MEGF11: variants seen among roughly 807,000 people sequenced by gnomAD.
MEGF11 encodes the protein multiple EGF like domains 11, also known as multiple epidermal growth factor-like domains protein 11.
In MEGF11, 126 loss-of-function variants were observed where a neutral mutation model predicts 146.6. The observed-to-expected ratio is 0.86, with a 90% CI of 0.74 to 1.00. The LOEUF (loss-of-function observed/expected upper bound fraction) is 1.00, where lower values mean the gene tolerates loss of function less well. MEGF11 is among the 50% of genes least tolerant of loss of function. The probability of loss-of-function intolerance (pLI) is 0.00; values close to 1 mark genes in which losing one functional copy is unlikely to be tolerated. For synonymous variants in MEGF11, 532 were observed against 583.4 expected, an observed-to-expected ratio of 0.91 and a Z score of 1.27; for missense variants, 1,509 against 1,521.2, an observed-to-expected ratio of 0.99 and a Z score of 0.13.
intron 5 of MEGF11, among the ~76,000 whole-genome samples, chr15:66,079,831 G>A (rs1194492093): frequency 1.3e-5 from 2 of 152,164 alleles, no homozygotes; most frequent in African/African-American, 4.8e-5. Context: ...CTGCCTTTGA[G>A]CTGGTGTTCT....
At chr15:66,111,191 T>C (rs1317651411) in intron 4 of MEGF11, among the ~76,000 whole-genome samples, 1 of 152,226 alleles carries the variant, frequency 6.6e-6, no homozygotes. Flanking sequence ...GCAGATGATA[T>C]ACTGCAGGTG....
intron 1 of MEGF11, among the ~76,000 whole-genome samples, chr15:66,190,989 T>TTC (rs10686433): frequency 4.7e-5 from 1 of 21,402 alleles, no homozygotes; most frequent in Non-Finnish European, 7.2e-5. Context: ...CAGGGGAGAC[T>TTC]ATTACAACAC....
intron 1 of MEGF11, among the ~76,000 whole-genome samples, chr15:66,194,911 G>A (rs759786624): frequency 6.6e-6 from 1 of 152,144 alleles, no homozygotes; most frequent in African/African-American, 2.4e-5. Context: ...CCCCGTTTGT[G>A]CATTTGGGCT....
chr15:65,996,592 T>C (rs920769473), intron 5 of MEGF11, among the ~76,000 whole-genome samples: 4 of 152,048 alleles, frequency 2.6e-5, no homozygotes, highest in African/African-American at 9.7e-5. Flanking sequence ...TTCAAGTGAT[T>C]CTCCTGCTTC....
intron 9 of MEGF11, among the ~76,000 whole-genome samples, chr15:65,958,766 C>T (rs1596907309): frequency 6.6e-6 from 1 of 152,362 alleles, no homozygotes; most frequent in Non-Finnish European, 1.5e-5. Flanking sequence ...TTCCTCCCCA[C>T]TTTCCCTCAC....
intron 1 of MEGF11, among the ~76,000 whole-genome samples, chr15:66,207,446 A>T (rs1105919): frequency 0.045 from 6,928 of 152,308 alleles, 225 homozygotes; most frequent in African/African-American, 0.085. Flanking sequence ...AGAATTCTAT[A>T]ACCAGCAAAA....
At chr15:66,230,930 A>G (rs2091954904) in intron 1 of MEGF11, among the ~76,000 whole-genome samples, 1 of 152,218 alleles carries the variant, frequency 6.6e-6, no homozygotes, top group Non-Finnish European at 1.5e-5. Context: ...ACAGAACCAG[A>G]GAGGCAGCGT....
At chr15:65,991,339 C>A (rs1187077578) in intron 5 of MEGF11, among the ~76,000 whole-genome samples, 1 of 152,138 alleles carries the variant, frequency 6.6e-6, no homozygotes, top group African/African-American at 2.4e-5. Flanking sequence ...TCATACCCTG[C>A]CTCATTCCAA....
At chr15:66,109,759 T>C (rs55992032) in intron 4 of MEGF11, among the ~76,000 whole-genome samples, 9,373 of 152,244 alleles carry the variant, frequency 0.062, 370 homozygotes, top group South Asian at 0.15. Flanking sequence ...TGAAGGGGTC[T>C]TTCTTGACCC....
chr15:66,055,293 T>C (rs2084630351), intron 5 of MEGF11, among the ~76,000 whole-genome samples: 1 of 152,250 alleles, frequency 6.6e-6, no homozygotes, highest in Non-Finnish European at 1.5e-5. Context: ...CTATCGAGAT[T>C]CGTAGGCCCA....
chr15:66,144,845 C>A (rs1057454650), intron 1 of MEGF11, among the ~76,000 whole-genome samples: 1 of 152,226 alleles, frequency 6.6e-6, no homozygotes, highest in Non-Finnish European at 1.5e-5. Flanking sequence ...TTCTCTCTCC[C>A]TATCTATCTC....
intron 5 of MEGF11, among the ~76,000 whole-genome samples, chr15:66,084,865 A>G (rs7183527): frequency 0.73 from 111,289 of 152,122 alleles, 41,665 homozygotes; most frequent in Admixed American, 0.81. Context: ...ACTAAAGCCC[A>G]TTTCTTTTGC....
At chr15:66,088,399 G>T (rs990184364) in intron 5 of MEGF11, among the ~76,000 whole-genome samples, 3 of 152,256 alleles carry the variant, frequency 2.0e-5, no homozygotes, top group African/African-American at 7.2e-5. Context: ...GCTCACGCCT[G>T]TAATCCCAGC....
chr15:66,060,061 G>T (rs1218654049), intron 5 of MEGF11, among the ~76,000 whole-genome samples: 2 of 152,024 alleles, frequency 1.3e-5, no homozygotes, highest in Non-Finnish European at 2.9e-5. Context: ...CAAGGGACAA[G>T]AGAGACAGAG....
intron 17 of MEGF11, chr15:65,916,508 G>T (rs2079002501): frequency 1.4e-5 from 9 of 664,020 alleles, no homozygotes; most frequent in Non-Finnish European, 1.8e-5. Flanking sequence ...GTCAGGCTAG[G>T]GTCTACTTCC....
Position 65,989,550 on chromosome 15 carries a change from C to T in MEGF11, c.395-7062G>A, listed in dbSNP as rs575103975. On this transcript the variant is annotated intron_variant, in intron 5 of 25. Coordinates refer to ENST00000395614, the MANE Select transcript of MEGF11 (RefSeq NM_001385028.1). ...GAGGCAGAGATGGAGCAGCAGCCGC[C>T]GGAAACCATTCCAGCTGATAAATAA... Among the ~76,000 whole-genome samples the T allele has an allele frequency of 1.8e-3, 280 of 152,336 alleles. 2 individuals are homozygous for T. The highest frequency in any genetic ancestry group is 3.1e-3 in the Non-Finnish European group (213 of 68,030).
intron 1 of MEGF11, 87 bp from the exon 2 acceptor site, chr15:66,128,498 C>A (rs1273241748): frequency 8.1e-5 from 55 of 678,622 alleles, no homozygotes; most frequent in Middle Eastern, 2.6e-4. Flanking sequence ...GGGTAATGAG[C>A]ATTTGATATT....
intron 9 of MEGF11, among the ~76,000 whole-genome samples, chr15:65,963,441 C>CTCTACATTTTCACATCTCTGATA (rs371628921): frequency 3.2e-4 from 49 of 152,224 alleles, no homozygotes; most frequent in African/African-American, 1.1e-3. Flanking sequence ...TGTACTTCTC[C>CTCTACATTTTCACATCTCTGATA]TCTACATTTT....
intron 5 of MEGF11, among the ~76,000 whole-genome samples, chr15:66,051,576 G>A (rs1487530698): frequency 6.6e-6 from 1 of 152,190 alleles, no homozygotes; most frequent in East Asian, 1.9e-4. Flanking sequence ...TCCACCAGAT[G>A]AGAGCATTCC....
Sources: gnomAD v4.1 joint callset for allele counts (sites outside exome capture counted in the v4.1 genomes callset) on GRCh38, gnomAD v4.1.1 for gene constraint, MANE v1.5 for transcripts, NCBI Gene and HGNC (gene_info 2026-07-23, HGNC 2026-07-21) for gene names.